Variants in PALLD observed in about 807,000 individuals in gnomAD.
The protein encoded by PALLD is palladin.
A neutral mutation model predicts 123.5 loss-of-function variants in PALLD; 61 were observed. The observed-to-expected ratio is 0.49, with a 90% CI of 0.40 to 0.61. PALLD has a LOEUF of 0.61. Ranked by LOEUF, PALLD falls within the 20% of genes least tolerant of loss-of-function variation. The probability of loss-of-function intolerance (pLI) is 0.00; values close to 1 mark genes in which losing one functional copy is unlikely to be tolerated. For synonymous variants in PALLD, 465 were observed against 496.4 expected (o/e 0.94, Z 0.84); for missense variants, 1,273 against 1,377.0 (o/e 0.92, Z 1.20).
At chr4:168,856,173 T>A (rs944661046) in intron 10 of PALLD, among the ~76,000 whole-genome samples, 2 of 152,238 alleles carry the variant, frequency 1.3e-5, no homozygotes, top group African/African-American at 4.8e-5. Context: ...AAGGACATGA[T>A]TTTGCTCTTT....
intron 10 of PALLD, among the ~76,000 whole-genome samples, chr4:168,781,048 C>T (rs1004768678): frequency 6.6e-6 from 1 of 152,124 alleles, no homozygotes; most frequent in Non-Finnish European, 1.5e-5. Context: ...TCAAAATGAA[C>T]ATTTTTTTAA....
At chr4:168,541,137 A>G (rs1263899683) in intron 2 of PALLD, among the ~76,000 whole-genome samples, 1 of 152,246 alleles carries the variant, frequency 6.6e-6, no homozygotes, top group South Asian at 2.1e-4. Flanking sequence ...ATTTACGCAG[A>G]TATGTTGACT....
intron 2 of PALLD, among the ~76,000 whole-genome samples, chr4:168,534,159 C>A (rs1764875106): frequency 6.6e-6 from 1 of 152,154 alleles, no homozygotes; most frequent in African/African-American, 2.4e-5. Context: ...AAGGAGTCCA[C>A]CCCTTAGGGA....
intron 2 of PALLD, among the ~76,000 whole-genome samples, chr4:168,625,755 C>T (rs1775203897): frequency 6.6e-6 from 1 of 151,950 alleles, no homozygotes; most frequent in Non-Finnish European, 1.5e-5. Flanking sequence ...ATGAAGAACA[C>T]AAAAAGTAAC....
At chr4:168,818,465 C>A (rs117330635) in intron 10 of PALLD, among the ~76,000 whole-genome samples, 1 of 152,062 alleles carries the variant, frequency 6.6e-6, no homozygotes, top group Non-Finnish European at 1.5e-5. Flanking sequence ...CCAGACGTGG[C>A]GGTGCACACC....
At chr4:168,732,162 A>G (rs1415607773) in intron 10 of PALLD, among the ~76,000 whole-genome samples, 1 of 152,218 alleles carries the variant, frequency 6.6e-6, no homozygotes, top group Non-Finnish European at 1.5e-5. Flanking sequence ...AAATGTACCT[A>G]CCACTTTCAT....
chr4:168,527,422 C>CA (rs35555541), intron 2 of PALLD, among the ~76,000 whole-genome samples: 1,816 of 52,814 alleles, frequency 0.034, 151 homozygotes, highest in African/African-American at 0.1. Context: ...AACTCCATCT[C>CA]AAAAAAAAAA....
At chr4:168,759,413 T>A (rs1485420955) in intron 10 of PALLD, among the ~76,000 whole-genome samples, 1 of 151,666 alleles carries the variant, frequency 6.6e-6, no homozygotes, top group East Asian at 1.9e-4. Context: ...CAACTTGCTC[T>A]ACTTGGCAGG....
chr4:168,632,059 T>A (rs1195386425), intron 2 of PALLD, among the ~76,000 whole-genome samples: 2 of 151,728 alleles, frequency 1.3e-5, no homozygotes, highest in African/African-American at 4.8e-5. Flanking sequence ...TCCTAATCCC[T>A]TCTTCGGACT....
intron 2 of PALLD, among the ~76,000 whole-genome samples, chr4:168,524,889 A>G (rs1210468189): frequency 6.6e-6 from 1 of 152,182 alleles, no homozygotes; most frequent in Non-Finnish European, 1.5e-5. Context: ...CTTTACTCTT[A>G]GCAACAACCT....
chr4:168,690,865 A>T, intron 7 of PALLD, 121 bp downstream of exon 7: 2 of 1,039,014 alleles, frequency 1.9e-6, no homozygotes, highest in Non-Finnish European at 3.0e-6. Context: ...TGGCAGGATC[A>T]GATAATCTAC....
rs545725016 is a variant in PALLD, at chr4:168,867,962, G to A, written c.1965-22960G>A. On this transcript the variant is annotated intron_variant, in intron 10 of 21. Transcript: ENST00000505667. The stretch of plus-strand genomic sequence containing the variant: ...GATAAAACTGGTCTGAGGGTTATCT[G>A]GATCCAGCGGCTAAAATAGTATTCC... Among the ~76,000 whole-genome samples the A allele has an allele frequency of 1.1e-3, 165 of 151,282 alleles. 1 individual carries two copies. The highest frequency in any genetic ancestry group is 1.8e-3 in the Non-Finnish European group (125 of 67,880).
intron 10 of PALLD, among the ~76,000 whole-genome samples, chr4:168,797,526 C>T (rs1738684064): frequency 1.3e-5 from 2 of 152,034 alleles, no homozygotes; most frequent in Admixed American, 6.6e-5. Flanking sequence ...GCATTTTTGC[C>T]TTGGAAAAGA....
chr4:168,811,757 T>TTCTC (rs1225193326), intron 10 of PALLD, among the ~76,000 whole-genome samples: 5 of 130,314 alleles, frequency 3.8e-5, no homozygotes, highest in African/African-American at 5.6e-5. Flanking sequence ...CTCTCTCTCT[T>TTCTC]TCTCTCTCTC....
At chr4:168,600,052 CAT>C (rs760461343) in intron 2 of PALLD, among the ~76,000 whole-genome samples, 151 of 134,222 alleles carry the variant, frequency 1.1e-3, no homozygotes, top group Non-Finnish European at 1.5e-3. Context: ...TGTATACACA[CAT>C]ATATACATAC....
chr4:168,860,496 T>G (rs978159540), intron 10 of PALLD, among the ~76,000 whole-genome samples: 5 of 152,168 alleles, frequency 3.3e-5, no homozygotes. Flanking sequence ...ATCTGGGAAG[T>G]AAGTTGTGCT....
intron 10 of PALLD, among the ~76,000 whole-genome samples, chr4:168,843,072 T>G (rs1360799097): frequency 6.6e-6 from 1 of 152,228 alleles, no homozygotes; most frequent in Non-Finnish European, 1.5e-5. Flanking sequence ...AACCAGCTGT[T>G]AAGCATAATT....
intron 2 of PALLD, among the ~76,000 whole-genome samples, chr4:168,547,458 T>C (rs1482311046): frequency 6.6e-6 from 1 of 151,382 alleles, no homozygotes; most frequent in Non-Finnish European, 1.5e-5. Flanking sequence ...TGGTGGCTCA[T>C]GTCTGTAATC....
intron 2 of PALLD, among the ~76,000 whole-genome samples, chr4:168,519,504 G>A (rs1763319489): frequency 7.9e-6 from 1 of 126,314 alleles, no homozygotes; most frequent in Non-Finnish European, 1.6e-5. Context: ...TTATATTTTA[G>A]AGCTTTTTAA....
Sources: allele counts gnomAD v4.1 joint callset (sites outside exome capture counted in the v4.1 genomes callset), GRCh38; gene constraint gnomAD v4.1.1; transcripts MANE v1.5; gene names NCBI Gene and HGNC (gene_info 2026-07-23, HGNC 2026-07-21).